The following AGBL1 variants were observed in gnomAD, a reference collection of about 807,000 sequenced individuals.
AGBL1 encodes the protein AGBL carboxypeptidase 1.
Under a neutral mutation model 118.9 loss-of-function variants are expected in AGBL1, and 130 were observed. The ratio of observed to expected loss-of-function variants is 1.09; its 90% CI spans 0.95 to 1.26. The LOEUF is 1.26. Ranked by LOEUF, AGBL1 falls within the 50% of genes most tolerant of loss-of-function variation. The pLI, the probability that AGBL1 is intolerant of heterozygous loss-of-function variation, is 0.00. For synonymous variants in AGBL1, 555 were observed against 478.9 expected, an observed-to-expected ratio of 1.16 and a Z score of -2.08; for missense variants, 1,584 against 1,298.1, an observed-to-expected ratio of 1.22 and a Z score of -3.38.
chr15:86,155,436 T>A (rs552016335), intron 4 of AGBL1, among the ~76,000 whole-genome samples: 31 of 152,196 alleles, frequency 2.0e-4, no homozygotes, highest in Admixed American at 2.0e-3. Context: ...GGTGACAGAG[T>A]GAGACCTTGT....
intron 1 of AGBL1, among the ~76,000 whole-genome samples, chr15:86,124,656 A>G (rs1032081041): frequency 2.0e-5 from 3 of 152,182 alleles, no homozygotes; most frequent in Non-Finnish European, 4.4e-5. Flanking sequence ...TAAGCAAATC[A>G]GCATGTTCCT....
chr15:87,001,316 C>A (rs1037511442), intron 24 of AGBL1, among the ~76,000 whole-genome samples: 1 of 151,948 alleles, frequency 6.6e-6, no homozygotes, highest in Non-Finnish European at 1.5e-5. Flanking sequence ...CAGAACTCAT[C>A]ATTTTTATGG....
intron 23 of AGBL1, among the ~76,000 whole-genome samples, chr15:86,981,244 C>T (rs2081229487): frequency 6.6e-6 from 1 of 152,058 alleles, no homozygotes; most frequent in Admixed American, 6.6e-5. Context: ...ATTATTTAAC[C>T]AGAATGTATG....
chr15:87,014,321 CTT>C lies in AGBL1; in HGVS notation c.3324-14503_3324-14502del, dbSNP rs1251202420. On this transcript the variant is annotated intron_variant, in intron 24 of 24. Transcript: ENST00000441037. ...GCATTCTTATTTCAATTTTCCCTCT[CTT>C]AATTCTATTGCGTGATCTTAGGCAA... Among the ~76,000 whole-genome samples the C allele has an allele frequency of 1.1e-4, 17 of 152,268 alleles. 1 individual carries two copies. In the East Asian group the frequency reaches 2.9e-3, roughly 26 times the overall value.
chr15:86,251,257 T>G (rs1222930698), intron 7 of AGBL1, among the ~76,000 whole-genome samples: 1 of 152,208 alleles, frequency 6.6e-6, no homozygotes, highest in Non-Finnish European at 1.5e-5. Context: ...TCTGGTAGTC[T>G]CACCTGAGAG....
At chr15:86,611,722 A>G (rs890225559) in intron 21 of AGBL1, among the ~76,000 whole-genome samples, 1 of 152,074 alleles carries the variant, frequency 6.6e-6, no homozygotes, top group African/African-American at 2.4e-5. Flanking sequence ...TTAAAGCATG[A>G]TACTCACAGG....
In AGBL1 at chr15:86,585,418, G is replaced by A. The variant is rs181599616; in HGVS notation, c.2994+30881G>A. Among the ~76,000 whole-genome samples, 7 of 152,092 alleles carry A rather than the reference G, an allele frequency of 4.6e-5. No homozygotes were observed. The East Asian group carries it at 9.7e-4, about 21-fold the overall frequency. On this transcript the variant is annotated intron_variant, in intron 21 of 22. Transcript: ENST00000614907. Reference sequence around the variant, plus strand: ...TATGTATTTATTTATTTAGAGACAGGGTCTCACTGTCTCTGCCCAGGCTGG... The same window carrying A: ...TATGTATTTATTTATTTAGAGACAGAGTCTCACTGTCTCTGCCCAGGCTGG...
intron 22 of AGBL1, among the ~76,000 whole-genome samples, chr15:86,711,431 G>A (rs1007030707): frequency 5.9e-5 from 9 of 152,152 alleles, no homozygotes; most frequent in African/African-American, 9.7e-5. Flanking sequence ...TCTCTGCATC[G>A]TGCCAGCATT....
chr15:86,966,662 T>A (rs2081056503), intron 23 of AGBL1, among the ~76,000 whole-genome samples: 1 of 152,156 alleles, frequency 6.6e-6, no homozygotes, highest in Admixed American at 6.6e-5. Flanking sequence ...AACTCATCTT[T>A]TTTTATGGCT....
At chr15:86,266,140 A>G (rs2079066714) in intron 11 of AGBL1, among the ~76,000 whole-genome samples, 1 of 152,196 alleles carries the variant, frequency 6.6e-6, no homozygotes, top group African/African-American at 2.4e-5. Context: ...GAAATCTAAC[A>G]TCACTACTTC....
chr15:86,735,302 A>T (rs978010719), intron 22 of AGBL1, among the ~76,000 whole-genome samples: 4 of 151,894 alleles, frequency 2.6e-5, no homozygotes, highest in Non-Finnish European at 5.9e-5. Context: ...GATGGTTTTG[A>T]ACTCCTGACC....
intron 18 of AGBL1, among the ~76,000 whole-genome samples, chr15:86,435,727 G>A (rs1009898290): frequency 6.6e-6 from 1 of 152,096 alleles, no homozygotes; most frequent in Non-Finnish European, 1.5e-5. Context: ...GAAACCTCGG[G>A]TACATTTATT....
intron 24 of AGBL1, among the ~76,000 whole-genome samples, chr15:86,993,057 T>G (rs1488139621): frequency 6.6e-6 from 1 of 152,184 alleles, no homozygotes. Context: ...TATTTGTCAT[T>G]TTTTTATTAT....
intron 17 of AGBL1, among the ~76,000 whole-genome samples, chr15:86,311,953 G>T (rs1419046421): frequency 1.3e-5 from 2 of 152,200 alleles, no homozygotes; most frequent in South Asian, 4.1e-4. Context: ...ATAGCTGATC[G>T]ATGTTCCCAT....
chr15:86,698,533 C>T (rs1019681226), intron 22 of AGBL1, among the ~76,000 whole-genome samples: 1 of 151,802 alleles, frequency 6.6e-6, no homozygotes, highest in African/African-American at 2.4e-5. Context: ...GGGAGATAAT[C>T]CATGGAAGTA....
At chr15:86,529,717 G>C (rs1774717271) in intron 19 of AGBL1, among the ~76,000 whole-genome samples, 1 of 151,672 alleles carries the variant, frequency 6.6e-6, no homozygotes, top group African/African-American at 2.4e-5. Flanking sequence ...AGAAAGGTCA[G>C]GTTACCCTCA....
chr15:87,002,079 C>G (rs1340124012), intron 24 of AGBL1, among the ~76,000 whole-genome samples: 1 of 152,018 alleles, frequency 6.6e-6, no homozygotes, highest in Non-Finnish European at 1.5e-5. Flanking sequence ...ATGGTATTGC[C>G]TAGGTTTTCT....
intron 17 of AGBL1, among the ~76,000 whole-genome samples, chr15:86,352,662 A>G (rs1262993066): frequency 6.6e-6 from 1 of 151,912 alleles, no homozygotes; most frequent in Admixed American, 6.6e-5. Flanking sequence ...TTGTATTTTT[A>G]GTAGAGATGG....
rs188057265 is a variant in AGBL1 at position 86,414,185 on chromosome 15, T to G, written c.2555+16639T>G. Among the ~76,000 whole-genome samples the G allele has an allele frequency of 2.1e-4, 32 of 151,922 alleles. No homozygotes were observed. In the East Asian group the frequency reaches 6.0e-3, roughly 29 times the overall value. ...CTGGAGACTCAAAAGGATAGCGAGG[T>G]GAGGAGGAGGTGGGTGATGAGAAAT... On this transcript the variant is annotated intron_variant, in intron 18 of 22. Coordinates refer to ENST00000614907, the MANE Select transcript of AGBL1 (RefSeq NM_001386094.1).
Sources: allele counts gnomAD v4.1 joint callset (sites outside exome capture counted in the v4.1 genomes callset), GRCh38; gene constraint gnomAD v4.1.1; transcripts MANE v1.5; gene names NCBI Gene and HGNC (gene_info 2026-07-23, HGNC 2026-07-21).